STARD13: variants seen among roughly 807,000 people sequenced by gnomAD.
STARD13 encodes stAR-related lipid transfer protein 13.
In STARD13, 62 loss-of-function variants were observed where a neutral mutation model predicts 106.4. That is an observed-to-expected ratio of 0.58 (90% CI 0.48 to 0.72). STARD13 has a LOEUF of 0.72. STARD13 is among the 30% of genes least tolerant of loss of function. The probability of loss-of-function intolerance (pLI) is 0.00; values close to 1 mark genes in which losing one functional copy is unlikely to be tolerated. For synonymous variants in STARD13, 565 were observed against 553.0 expected (o/e 1.02, Z -0.31); for missense variants, 1,387 against 1,424.0 (o/e 0.97, Z 0.42).
At chr13:33,141,068 T>C (rs989748280) in intron 4 of STARD13, among the ~76,000 whole-genome samples, 2 of 139,654 alleles carry the variant, frequency 1.4e-5, no homozygotes, top group African/African-American at 5.1e-5. Flanking sequence ...AAGAACACTT[T>C]CTTTTGATTC....
chr13:33,671,563 CTACAAAAAA>C, the STARD13 span, among the ~76,000 whole-genome samples: 2,464 of 152,172 alleles, frequency 0.016, 63 homozygotes, highest in African/African-American at 0.054. Flanking sequence ...GGCCTCCTGT[CTACAAAAAA>C]TACAAAAATT....
intron 3 of STARD13, among the ~76,000 whole-genome samples, chr13:33,160,410 T>A (rs1882485388): frequency 6.6e-6 from 1 of 152,118 alleles, no homozygotes; most frequent in Non-Finnish European, 1.5e-5. Context: ...AGATATGACA[T>A]TAAAAGCATA....
At chr13:33,431,408 C>T in the STARD13 span, among the ~76,000 whole-genome samples, 1 of 151,950 alleles carries the variant, frequency 6.6e-6, no homozygotes, top group African/African-American at 2.4e-5. Flanking sequence ...ATTATTTTCA[C>T]CTGTTTCTTT....
chr13:33,225,763 A>C (rs894936528), intron 1 of STARD13, among the ~76,000 whole-genome samples: 24 of 152,080 alleles, frequency 1.6e-4, no homozygotes, highest in African/African-American at 4.3e-4. Flanking sequence ...TAAAAAAAAA[A>C]CAACTCTTCG....
intron 3 of STARD13, among the ~76,000 whole-genome samples, chr13:33,158,157 T>C (rs999776852): frequency 5.3e-5 from 8 of 151,954 alleles, no homozygotes; most frequent in African/African-American, 1.9e-4. Context: ...CAAATGTGTC[T>C]AGTTTCTGGG....
the STARD13 span, among the ~76,000 whole-genome samples, chr13:33,517,095 T>A: frequency 6.6e-6 from 1 of 152,160 alleles, no homozygotes; most frequent in Non-Finnish European, 1.5e-5. Context: ...TTTACTTTTT[T>A]TAAAGTGGCT....
the STARD13 span, among the ~76,000 whole-genome samples, chr13:33,613,843 G>C: frequency 6.6e-6 from 1 of 152,214 alleles, no homozygotes; most frequent in South Asian, 2.1e-4. Context: ...GGTGGGAAAG[G>C]ACACAAAAGA....
chr13:33,477,580 G>A, the STARD13 span, among the ~76,000 whole-genome samples: 3 of 152,172 alleles, frequency 2.0e-5, no homozygotes, highest in Admixed American at 6.5e-5. Context: ...TGAATTGCCA[G>A]CCATGATGGG....
intron 1 of STARD13, among the ~76,000 whole-genome samples, chr13:33,236,579 C>T (rs986257216): frequency 6.6e-6 from 1 of 152,178 alleles, no homozygotes; most frequent in Non-Finnish European, 1.5e-5. Flanking sequence ...CCCCTGTTTC[C>T]TTAGCAATAT....
intron 5 of STARD13, among the ~76,000 whole-genome samples, chr13:33,128,039 G>A (rs566770791): frequency 6.6e-6 from 1 of 152,160 alleles, no homozygotes; most frequent in African/African-American, 2.4e-5. Context: ...GACAAAAAGA[G>A]ATACAGAGGC....
rs1878365111 is a variant in STARD13 at position 33,132,031 on chromosome 13, C to A, written c.388-1742G>T. 3.3e-5 allele frequency among the ~76,000 whole-genome samples: 5 copies of A among 152,162 alleles called. No homozygotes were observed. In the South Asian group the frequency reaches 6.2e-4, roughly 19 times the overall value. On this transcript the variant is annotated intron_variant, in intron 4 of 13. Coordinates refer to ENST00000336934, the MANE Select transcript of STARD13 (RefSeq NM_178006.4). ...TGCAGTGTGTTGTTTTTAAGGAAAC[C>A]TAAGCAGATGCACAGTTAATCATTG...
the STARD13 span, among the ~76,000 whole-genome samples, chr13:33,609,148 T>C: frequency 3.4e-5 from 5 of 148,228 alleles, no homozygotes; most frequent in Non-Finnish European, 7.4e-5. Flanking sequence ...AAATTTTAAC[T>C]ATATTAAAAT....
chr13:33,376,633 A>T, the STARD13 span, among the ~76,000 whole-genome samples: 1 of 151,996 alleles, frequency 6.6e-6, no homozygotes, highest in Non-Finnish European at 1.5e-5. Flanking sequence ...AAAAAAAAAA[A>T]GGATTAGAAT....
At chr13:33,632,764 G>A in the STARD13 span, among the ~76,000 whole-genome samples, 1 of 151,080 alleles carries the variant, frequency 6.6e-6, no homozygotes, top group African/African-American at 2.4e-5. Context: ...TAAGTATAAA[G>A]TCTCATTGTT....
chr13:33,205,032 TATC>T (rs1262774541), intron 1 of STARD13, among the ~76,000 whole-genome samples: 1 of 152,236 alleles, frequency 6.6e-6, no homozygotes, highest in Non-Finnish European at 1.5e-5. Flanking sequence ...CATAGAATCT[TATC>T]ATTCTCAATC....
In STARD13 at chr13:33,343,067, C is replaced by T. The variant is rs149072952; in HGVS notation, c.124+7223G>A. 7.9e-5 allele frequency among the ~76,000 whole-genome samples: 12 copies of T among 152,202 alleles called. No homozygotes were observed. The East Asian group carries it at 2.3e-3, about 29-fold the overall frequency. On this transcript the variant is annotated intron_variant, in intron 1 of 5. Transcript: ENST00000567873. ...CTTTCCTACAAAGCCGATACTTATG[C>T]ATCCAATTCCTTGACTTTTACTTTT...
intron 1 of STARD13, among the ~76,000 whole-genome samples, chr13:33,250,032 C>A (rs561605223): frequency 6.6e-6 from 1 of 152,234 alleles, no homozygotes; most frequent in East Asian, 1.9e-4. Context: ...CTCAAGTGAT[C>A]CCCCCGTCTC....
rs904957422 is a variant in STARD13, at chr13:33,126,217, C to T, written c.1946G>A (p.Arg649Lys). 11 of 1,614,164 alleles carry T rather than the reference C, an allele frequency of 6.8e-6. No homozygotes were observed. The highest frequency in any genetic ancestry group is 9.3e-6 in the Non-Finnish European group (11 of 1,180,032). The change falls in exon 7 of 14, where the codon AGG becomes AAG. Residue 649 changes from arginine to lysine, a missense_variant. By Grantham distance (26) the Arg-to-Lys change is conservative. Coordinates refer to ENST00000336934, the MANE Select transcript of STARD13 (RefSeq NM_178006.4). ...GTCTTTGTAGTCGGGAACTTTCATC[C>T]TCTTCATGAACTTTGGAACTGACCT... ...WTWSVPKFMK[R>K]MKVPDYKDKA...
chr13:33,475,371 T>C, the STARD13 span, among the ~76,000 whole-genome samples: 1 of 152,164 alleles, frequency 6.6e-6, no homozygotes, highest in Non-Finnish European at 1.5e-5. Context: ...CTATTGATTT[T>C]CTTAGTTTCT....
Sources: gnomAD v4.1 joint callset for allele counts (sites outside exome capture counted in the v4.1 genomes callset) on GRCh38, gnomAD v4.1.1 for gene constraint, MANE v1.5 for transcripts, NCBI Gene and HGNC (gene_info 2026-07-23, HGNC 2026-07-21) for gene names.